C1orf87: variants seen among roughly 807,000 people sequenced by gnomAD.
C1orf87 encodes the protein chromosome 1 open reading frame 87.
A neutral mutation model predicts 60.5 loss-of-function variants in C1orf87; 58 were observed. That is an observed-to-expected ratio of 0.96 (90% CI 0.78 to 1.19). C1orf87 has a LOEUF of 1.19. Among genes scored for constraint, C1orf87 ranks in the 50% most tolerant of loss-of-function variants. The pLI is 0.00. For missense variants in C1orf87, 673 were observed against 638.6 expected (o/e 1.05, Z -0.58); for synonymous variants, 236 against 227.4 (o/e 1.04, Z -0.34).
intron 8 of C1orf87, among the ~76,000 whole-genome samples, chr1:60,018,029 G>A (rs1645135924): frequency 2.6e-5 from 4 of 152,094 alleles, no homozygotes; most frequent in African/African-American, 7.2e-5. Flanking sequence ...GATTCTAAAG[G>A]ACATTTAGTC....
intron 8 of C1orf87, among the ~76,000 whole-genome samples, chr1:60,022,441 G>T (rs1392445315): frequency 6.6e-6 from 1 of 151,992 alleles, no homozygotes; most frequent in African/African-American, 2.4e-5. Flanking sequence ...GGCCCAGTTG[G>T]GTTCACTGGT....
chr1:60,045,835 C>T (rs911528909), intron 3 of C1orf87, among the ~76,000 whole-genome samples: 2 of 152,152 alleles, frequency 1.3e-5, no homozygotes, highest in African/African-American at 2.4e-5. Context: ...TTCTGACGCA[C>T]GCTGAAGTTT....
At chr1:60,046,602 C>G (rs1308612386) in intron 3 of C1orf87, among the ~76,000 whole-genome samples, 3 of 151,864 alleles carry the variant, frequency 2.0e-5, no homozygotes, top group African/African-American at 7.3e-5. Context: ...CCACACCCAG[C>G]TAACTTTTTG....
chr1:60,019,227 A>T (rs1645145293), intron 8 of C1orf87, among the ~76,000 whole-genome samples: 1 of 152,038 alleles, frequency 6.6e-6, no homozygotes, highest in Non-Finnish European at 1.5e-5. Context: ...ACGAGATCTG[A>T]TAGTTTAAAA....
chr1:60,001,231 C>T (rs1243795309), intron 9 of C1orf87, 75 bp from the exon 10 acceptor site: 1 of 941,092 alleles, frequency 1.1e-6, no homozygotes, highest in Non-Finnish European at 1.5e-6. Context: ...ATACACAAGG[C>T]AACAACAACA....
chr1:60,059,515 G>A (rs1645480785), intron 2 of C1orf87, among the ~76,000 whole-genome samples: 1 of 152,144 alleles, frequency 6.6e-6, no homozygotes, highest in African/African-American at 2.4e-5. Context: ...GCCCATTAGA[G>A]TCACCCTCCA....
chr1:60,016,260 C>T (rs1177468834), intron 8 of C1orf87, among the ~76,000 whole-genome samples: 3 of 152,140 alleles, frequency 2.0e-5, no homozygotes, highest in Admixed American at 2.0e-4. Flanking sequence ...AAAGGAAAAC[C>T]AACTCATGGG....
At chr1:60,021,081 T>C (rs1050976598) in intron 8 of C1orf87, among the ~76,000 whole-genome samples, 3 of 152,164 alleles carry the variant, frequency 2.0e-5, no homozygotes, top group Middle Eastern at 3.2e-3. Flanking sequence ...CATGGTAAGA[T>C]GTGTTTGCTT....
At position 59,990,660 on chromosome 1, in the gene C1orf87, T is replaced by C. The variant is rs1375898792; in HGVS notation, c.*13A>G. On this transcript the variant is annotated 3_prime_UTR_variant, in exon 12 of 12. Transcript: ENST00000371201. The stretch of plus-strand genomic sequence containing the variant: ...ATAAGGGAAACATCTGTTCTCACAA[T>C]ATGGGCTTGTTATCATAGCTCCTTT... The C allele has an allele frequency of 3.1e-6, 5 of 1,613,200 alleles. No individual in the cohort carries two copies. The East Asian group carries it at 1.1e-4, about 36-fold the overall frequency.
At chr1:60,068,027 G>A (rs1557483500) in intron 2 of C1orf87, among the ~76,000 whole-genome samples, 1 of 152,076 alleles carries the variant, frequency 6.6e-6, no homozygotes. Flanking sequence ...AAGATTGGAT[G>A]GTTGTAGATG....
At chr1:60,070,530 C>A (rs537968732) in intron 2 of C1orf87, among the ~76,000 whole-genome samples, 1 of 152,180 alleles carries the variant, frequency 6.6e-6, no homozygotes, top group East Asian at 1.9e-4. Context: ...CTTACCTGAG[C>A]AACAAGAAGC....
intron 11 of C1orf87, among the ~76,000 whole-genome samples, chr1:59,992,227 T>C (rs991249185): frequency 6.7e-5 from 6 of 89,804 alleles, no homozygotes; most frequent in Non-Finnish European, 1.3e-4. Flanking sequence ...TAGGGGTCTA[T>C]TTATTTATTT....
At chr1:59,991,970 T>TG (rs1557451876) in intron 11 of C1orf87, among the ~76,000 whole-genome samples, 1 of 152,066 alleles carries the variant, frequency 6.6e-6, no homozygotes, top group Non-Finnish European at 1.5e-5. Flanking sequence ...CTCTGTCCCG[T>TG]GGGGGAGAGA....
chr1:59,997,621 G>A lies in C1orf87; in HGVS notation c.1468C>T (p.Leu490=). The change falls in exon 11 of 12, where the codon CTG becomes TTG. Residue 490 remains leucine (L), a synonymous_variant. Transcript: ENST00000371201. ...KLENALYLCD[L]SNTGVLEKER... ...ATTCATACTTCACCTGTGTTACTCA[G>A]ATCACACAGGTAGAGGGCATTTTCC... 3.7e-6 allele frequency: 6 copies of A among 1,613,624 alleles called. No homozygotes were observed. Among genetic ancestry groups the A allele is most frequent in the Non-Finnish European group, 5.1e-6 (6 of 1,179,630 alleles).
chr1:60,019,788 C>A (rs1354371952), intron 8 of C1orf87, among the ~76,000 whole-genome samples: 3 of 152,170 alleles, frequency 2.0e-5, no homozygotes, highest in Non-Finnish European at 4.4e-5. Context: ...ATCTGTGGAA[C>A]TTTGAACTTG....
intron 3 of C1orf87, among the ~76,000 whole-genome samples, chr1:60,045,390 A>G (rs1482664334): frequency 6.6e-6 from 1 of 152,224 alleles, no homozygotes; most frequent in Non-Finnish European, 1.5e-5. Context: ...CTTTAAACAA[A>G]TTAATACAAT....
At chr1:59,999,066 A>G (rs1419065508) in intron 10 of C1orf87, among the ~76,000 whole-genome samples, 1 of 152,114 alleles carries the variant, frequency 6.6e-6, no homozygotes, top group African/African-American at 2.4e-5. Context: ...GAATTTTTCC[A>G]ATTTTGTACC....
chr1:59,997,543 G>A, intron 11 of C1orf87, 66 bp downstream of exon 11: 2 of 1,463,548 alleles, frequency 1.4e-6, no homozygotes, highest in Non-Finnish European at 1.9e-6. Context: ...AAAAGAAAAT[G>A]AGGTGCCTAC....
chr1:60,065,799 C>T (rs1271468868), intron 2 of C1orf87, among the ~76,000 whole-genome samples: 1 of 152,122 alleles, frequency 6.6e-6, no homozygotes, highest in Non-Finnish European at 1.5e-5. Context: ...AGGAGAGTCA[C>T]ATGGGAAAAT....
Sources: allele counts gnomAD v4.1 joint callset (sites outside exome capture counted in the v4.1 genomes callset), GRCh38; gene constraint gnomAD v4.1.1; transcripts MANE v1.5; gene names NCBI Gene and HGNC (gene_info 2026-07-23, HGNC 2026-07-21).